The following TENM4 variants were observed in gnomAD, a reference collection of about 807,000 sequenced individuals.
The protein encoded by TENM4 is teneurin-4.
A neutral mutation model predicts 243.3 loss-of-function variants in TENM4; 82 were observed. That is an observed-to-expected ratio of 0.34 (90% CI 0.28 to 0.40). The LOEUF (loss-of-function observed/expected upper bound fraction) is 0.40, where lower values mean the gene tolerates loss of function less well. Ranked by LOEUF, TENM4 falls within the 10% of genes least tolerant of loss-of-function variation. TENM4 has a pLI of 1.00. For synonymous variants in TENM4, 1,412 were observed against 1,456.3 expected, an observed-to-expected ratio of 0.97 and a Z score of 0.69; for missense variants, 3,138 against 3,673.3, an observed-to-expected ratio of 0.85 and a Z score of 3.77.
rs879255355 is a variant in TENM4 at position 79,064,959 on chromosome 11, G to T, written c.272C>A (p.Pro91His). Residue 91 changes from proline (P) to histidine (H), a missense_variant, in exon 6 of 34, where the codon CCT becomes CAT. Pro to His is a moderately conservative substitution (Grantham distance 77, BLOSUM62 -2). Around this residue, in one of 2 missense-constraint regions of TENM4, gnomAD observed 671 missense variants for 614.1 expected, o/e 1.09. Coordinates refer to ENST00000278550, the MANE Select transcript of TENM4 (RefSeq NM_001098816.3). ...GTCTGTCCGGTACAGGGTCCCGTGAGGGGGCGTTACTTCTTCCAGCCCCAG... is the reference window on the plus strand; with the variant it reads ...GTCTGTCCGGTACAGGGTCCCGTGATGGGGCGTTACTTCTTCCAGCCCCAG... ...RELGLEEVTP[P>H]HGTLYRTDIG... The T allele has an allele frequency of 4.1e-5, 61 of 1,482,458 alleles. No individual in the cohort carries two copies. Among genetic ancestry groups the T allele is most frequent in the Non-Finnish European group, 5.0e-5 (56 of 1,111,230 alleles). The allele number at this position is 1,482,458 out of a possible 1,614,324, so 91.8% of individuals were successfully genotyped here. A position where few individuals can be genotyped will look rare whatever the true frequency, so the allele number is the denominator to read the frequency against.
Position 79,179,879 on chromosome 11 carries a change from C to T in TENM4, c.-162-31073G>A, listed in dbSNP as rs368344300. The stretch of plus-strand genomic sequence containing the variant: ...TTTCTCATTTAAATCAACAACCATC[C>T]GATGAAAATGGTATTATATCCCTGT... On this transcript the variant is annotated intron_variant, in intron 3 of 33. Coordinates refer to ENST00000278550, the MANE Select transcript of TENM4 (RefSeq NM_001098816.3). Among the ~76,000 whole-genome samples, 11 of 151,644 alleles carry T rather than the reference C, an allele frequency of 7.3e-5. No individual in the cohort carries two copies. In the East Asian group the frequency reaches 9.7e-4, roughly 13 times the overall value.
intron 6 of TENM4, among the ~76,000 whole-genome samples, chr11:79,013,608 G>A (rs1858703520): frequency 6.6e-6 from 1 of 152,190 alleles, no homozygotes; most frequent in Admixed American, 6.5e-5. Flanking sequence ...GGGACTGGTA[G>A]AGCTCCTGGA....
In TENM4 at chr11:79,142,141, C is replaced by A. The variant is rs567779906; in HGVS notation, c.-66+6569G>T. On this transcript the variant is annotated intron_variant, in intron 4 of 33. Coordinates refer to ENST00000278550, the MANE Select transcript of TENM4 (RefSeq NM_001098816.3). ...TAGTACTGGAGCTAGAGCAATCAGA[C>A]AAGAGAAAGAAATAAAGGGCATCCA... 6.6e-5 allele frequency among the ~76,000 whole-genome samples: 10 copies of A among 151,848 alleles called. No homozygotes were observed. In the South Asian group the frequency reaches 2.1e-3, roughly 32 times the overall value.
chr11:79,214,018 G>GTC (rs34266274), intron 3 of TENM4, among the ~76,000 whole-genome samples: 22,597 of 150,678 alleles, frequency 0.15, 1,900 homozygotes, highest in South Asian at 0.2. Flanking sequence ...TTGAGGTGGA[G>GTC]TCTCTGTCTG....
At chr11:78,739,161 T>C (rs1473183302) in intron 19 of TENM4, among the ~76,000 whole-genome samples, 1 of 152,150 alleles carries the variant, frequency 6.6e-6, no homozygotes, top group African/African-American at 2.4e-5. Context: ...AGAGTGAGTT[T>C]TGGAACCTGA....
chr11:79,076,067 G>A (rs577987978), intron 4 of TENM4, among the ~76,000 whole-genome samples: 1 of 152,182 alleles, frequency 6.6e-6, no homozygotes, highest in African/African-American at 2.4e-5. Context: ...TGGTTTTGGT[G>A]TGTCTGTGGA....
At chr11:79,017,516 C>A (rs1425275367) in intron 6 of TENM4, among the ~76,000 whole-genome samples, 1 of 151,632 alleles carries the variant, frequency 6.6e-6, no homozygotes, top group African/African-American at 2.4e-5. Flanking sequence ...AGAAAGAAAC[C>A]CTGAGAGGAT....
Position 78,761,366 on chromosome 11 carries a change from T to C in TENM4, c.2540-4345A>G, listed in dbSNP as rs561509753. 1.8e-4 allele frequency among the ~76,000 whole-genome samples: 28 copies of C among 152,002 alleles called. 1 individual carries two copies. On this transcript the variant is annotated intron_variant, in intron 18 of 33. Coordinates refer to ENST00000278550, the MANE Select transcript of TENM4 (RefSeq NM_001098816.3). The stretch of plus-strand genomic sequence containing the variant: ...ACCATTCTCCTGCCTCAGCCTCCCG[T>C]GTAGCTGGGACTACAGGCACCTGCC...
At chr11:78,952,024 C>A (rs568080077) in intron 6 of TENM4, among the ~76,000 whole-genome samples, 30 of 152,190 alleles carry the variant, frequency 2.0e-4, no homozygotes, top group Non-Finnish European at 4.0e-4. Flanking sequence ...ACTCCGTCAC[C>A]AGTTCCCCTT....
At chr11:78,982,030 T>G (rs1857808253) in intron 6 of TENM4, among the ~76,000 whole-genome samples, 1 of 152,146 alleles carries the variant, frequency 6.6e-6, no homozygotes, top group African/African-American at 2.4e-5. Flanking sequence ...GCAAGAAGCC[T>G]GATCAGTTTG....
intron 6 of TENM4, among the ~76,000 whole-genome samples, chr11:79,003,583 T>C (rs1311901962): frequency 6.6e-6 from 1 of 152,112 alleles, no homozygotes; most frequent in Non-Finnish European, 1.5e-5. Context: ...TAAAATACTT[T>C]TCAGATAAGC....
At chr11:79,200,010 C>G (rs1863707091) in intron 3 of TENM4, among the ~76,000 whole-genome samples, 2 of 152,194 alleles carry the variant, frequency 1.3e-5, no homozygotes, top group Non-Finnish European at 2.9e-5. Context: ...TAAGCAACTT[C>G]CCAGGCAGAC....
chr11:78,745,004 C>T (rs368331637), intron 19 of TENM4, among the ~76,000 whole-genome samples: 1 of 152,110 alleles, frequency 6.6e-6, no homozygotes, highest in Non-Finnish European at 1.5e-5. Context: ...TGCTTGTACT[C>T]GCACTATTAG....
chr11:79,376,678 T>G (rs1047079754), intron 1 of TENM4, among the ~76,000 whole-genome samples: 2 of 152,226 alleles, frequency 1.3e-5, no homozygotes, highest in African/African-American at 4.8e-5. Context: ...AATTTAATTC[T>G]TGTTAGAAGC....
At chr11:79,334,803 GT>G (rs1403152238) in intron 1 of TENM4, among the ~76,000 whole-genome samples, 1 of 152,172 alleles carries the variant, frequency 6.6e-6, no homozygotes, top group African/African-American at 2.4e-5. Context: ...AAAGAGATCT[GT>G]TTCATTTTAA....
At chr11:79,223,527 C>T (rs894319394) in intron 2 of TENM4, among the ~76,000 whole-genome samples, 15 of 152,226 alleles carry the variant, frequency 9.9e-5, no homozygotes, top group South Asian at 6.2e-4. Flanking sequence ...CTCCTGTTCC[C>T]GGCTCAAAGC....
At chr11:79,139,660 TAA>T (rs1344967446) in intron 4 of TENM4, among the ~76,000 whole-genome samples, 1 of 101,852 alleles carries the variant, frequency 9.8e-6, no homozygotes, top group African/African-American at 4.3e-5. Context: ...TATAAGTATA[TAA>T]AATATATATA....
At chr11:78,757,107 A>G in intron 18 of TENM4, 86 bp from the exon 19 acceptor site, 1 of 1,363,492 alleles carries the variant, frequency 7.3e-7, no homozygotes, top group Non-Finnish European at 9.9e-7. Context: ...TTTCTTCTCT[A>G]TTTTTCACTC....
At chr11:78,759,382 G>T (rs997409947) in intron 18 of TENM4, among the ~76,000 whole-genome samples, 2 of 152,234 alleles carry the variant, frequency 1.3e-5, no homozygotes, top group Non-Finnish European at 2.9e-5. Context: ...TAACTCTGCA[G>T]AAATGCTCCA....
Sources: allele counts gnomAD v4.1 joint callset (sites outside exome capture counted in the v4.1 genomes callset), GRCh38; gene constraint gnomAD v4.1.1; regional missense constraint gnomAD v4.1.1; transcripts MANE v1.5; gene names NCBI Gene and HGNC (gene_info 2026-07-23, HGNC 2026-07-21).